The following PTPRK variants were observed in gnomAD, a reference collection of about 807,000 sequenced individuals.
The protein encoded by PTPRK is protein tyrosine phosphatase receptor type K.
In PTPRK, 75 loss-of-function variants were observed where a neutral mutation model predicts 178.0. That is an observed-to-expected ratio of 0.42 (90% confidence interval 0.35 to 0.51). PTPRK has a LOEUF of 0.51. Ranked by LOEUF, PTPRK falls within the 20% of genes least tolerant of loss-of-function variation. The pLI is 0.02. For missense variants in PTPRK, 1,441 were observed against 1,797.8 expected, an observed-to-expected ratio of 0.80 and a Z score of 3.59; for synonymous variants, 637 against 620.6, an observed-to-expected ratio of 1.03 and a Z score of -0.39.
chr6:128,137,697 C>T lies in PTPRK; in HGVS notation c.1162+46735G>A, dbSNP rs552378993. On this transcript the variant is annotated intron_variant, in intron 7 of 29. Transcript: ENST00000368226. The stretch of plus-strand genomic sequence containing the variant: ...ATAGTTATTTACTGAACCCAAACAG[C>T]ATCCAAGATAGTCTTTTAGAAGTAA... 1.9e-4 allele frequency among the ~76,000 whole-genome samples: 29 copies of T among 152,130 alleles called. No individual in the cohort carries two copies. In the South Asian group the frequency reaches 5.8e-3, roughly 30 times the overall value.
chr6:128,006,374 T>G (rs145253010), intron 14 of PTPRK, among the ~76,000 whole-genome samples: 1 of 151,044 alleles, frequency 6.6e-6, no homozygotes, highest in Admixed American at 6.6e-5. Context: ...CAGTTAAGCA[T>G]AATATCATCC....
intron 21 of PTPRK, among the ~76,000 whole-genome samples, chr6:127,988,735 A>T (rs1776254792): frequency 6.6e-6 from 1 of 151,958 alleles, no homozygotes; most frequent in Non-Finnish European, 1.5e-5. Context: ...TTTTCATTGT[A>T]CCTCATTTAG....
At chr6:128,239,323 G>A (rs1249452951) in intron 5 of PTPRK, among the ~76,000 whole-genome samples, 1 of 152,054 alleles carries the variant, frequency 6.6e-6, no homozygotes, top group Non-Finnish European at 1.5e-5. Flanking sequence ...CAGCTTCCTG[G>A]CTTTAGAGCT....
intron 13 of PTPRK, among the ~76,000 whole-genome samples, chr6:128,017,851 C>T (rs1779794784): frequency 1.7e-5 from 2 of 116,312 alleles, no homozygotes; most frequent in Admixed American, 2.1e-4. Flanking sequence ...AATAGTGAGT[C>T]CTGAGATATC....
At position 128,450,468 on chromosome 6, in the gene PTPRK, T is replaced by G. The variant is rs1467615860; in HGVS notation, c.101-52780A>C. Among the ~76,000 whole-genome samples, 3 of 152,234 alleles carry G rather than the reference T, an allele frequency of 2.0e-5. No individual in the cohort carries two copies. The East Asian group carries it at 5.8e-4, about 29-fold the overall frequency. ...CCAAAATAATTTTCACATATAAGTA[T>G]AATTGCTTTATCGTACACTATAACC... is the stretch of plus-strand genomic sequence containing the variant. On this transcript the variant is annotated intron_variant, in intron 1 of 29. Coordinates refer to ENST00000368226, the MANE Select transcript of PTPRK (RefSeq NM_002844.4).
chr6:127,981,878 A>G (rs1367594543), intron 24 of PTPRK, among the ~76,000 whole-genome samples: 1 of 152,118 alleles, frequency 6.6e-6, no homozygotes, highest in African/African-American at 2.4e-5. Flanking sequence ...CCCAGGTTGG[A>G]GTGCAGTGGC....
chr6:128,040,815 C>A (rs1194879746), intron 13 of PTPRK, among the ~76,000 whole-genome samples: 1 of 151,852 alleles, frequency 6.6e-6, no homozygotes, highest in Non-Finnish European at 1.5e-5. Context: ...CTACATAAAC[C>A]AAGCAGAAAT....
intron 10 of PTPRK, among the ~76,000 whole-genome samples, chr6:128,082,024 A>G (rs902107549): frequency 1.9e-4 from 29 of 152,074 alleles, no homozygotes; most frequent in Non-Finnish European, 3.7e-4. Flanking sequence ...GTCAGGGAAA[A>G]TGAAACAGAA....
intron 1 of PTPRK, among the ~76,000 whole-genome samples, chr6:128,470,206 C>G (rs1192287295): frequency 2.0e-5 from 3 of 151,654 alleles, no homozygotes; most frequent in Non-Finnish European, 4.4e-5. Context: ...AACTCATGGT[C>G]TATTTCAGAC....
At chr6:128,443,105 A>G (rs779725804) in intron 1 of PTPRK, among the ~76,000 whole-genome samples, 4 of 152,182 alleles carry the variant, frequency 2.6e-5, no homozygotes, top group Non-Finnish European at 4.4e-5. Context: ...ACCAAAAACA[A>G]TAAGATTAAT....
intron 7 of PTPRK, among the ~76,000 whole-genome samples, chr6:128,103,122 G>A (rs759523808): frequency 9.9e-5 from 15 of 152,072 alleles, no homozygotes; most frequent in African/African-American, 2.9e-4. Flanking sequence ...AGAGTGGAGC[G>A]GCAGAGAAGG....
chr6:128,008,562 T>G (rs1778689033), intron 14 of PTPRK, among the ~76,000 whole-genome samples: 1 of 151,116 alleles, frequency 6.6e-6, no homozygotes, highest in South Asian at 2.1e-4. Flanking sequence ...TCTCAGTATC[T>G]TCAAGTAACG....
intron 3 of PTPRK, among the ~76,000 whole-genome samples, chr6:128,299,778 A>T (rs1437238523): frequency 6.6e-6 from 1 of 152,172 alleles, no homozygotes; most frequent in South Asian, 2.1e-4. Context: ...CCCAGAAGAA[A>T]ACCTAGGCAT....
intron 8 of PTPRK, among the ~76,000 whole-genome samples, chr6:128,086,638 C>T (rs1409197866): frequency 6.6e-6 from 1 of 152,090 alleles, no homozygotes; most frequent in Admixed American, 6.5e-5. Flanking sequence ...CATAATCCAT[C>T]GATCTTTCCA....
chr6:128,328,977 A>T (rs1829923238), intron 2 of PTPRK, among the ~76,000 whole-genome samples: 1 of 152,162 alleles, frequency 6.6e-6, no homozygotes. Flanking sequence ...AACCTCTGGG[A>T]AATTCTTCTA....
At chr6:128,217,561 T>C (rs1435223777) in intron 6 of PTPRK, among the ~76,000 whole-genome samples, 1 of 152,194 alleles carries the variant, frequency 6.6e-6, no homozygotes, top group Non-Finnish European at 1.5e-5. Flanking sequence ...TTCAAATTTC[T>C]TTTCGTTAAA....
intron 1 of PTPRK, among the ~76,000 whole-genome samples, chr6:128,513,493 A>AAAG (rs1554287241): frequency 5.3e-5 from 8 of 150,244 alleles, no homozygotes; most frequent in African/African-American, 9.9e-5. Flanking sequence ...CAAAAAAAAA[A>AAAG]AAAGAAAGAA....
intron 13 of PTPRK, among the ~76,000 whole-genome samples, chr6:128,022,409 T>C (rs1332652553): frequency 6.6e-6 from 1 of 152,174 alleles, no homozygotes; most frequent in East Asian, 1.9e-4. Flanking sequence ...AATCTAATAC[T>C]CAGCAGCCTT....
chr6:127,995,887 T>C (rs1460147143), intron 17 of PTPRK, among the ~76,000 whole-genome samples: 25 of 152,116 alleles, frequency 1.6e-4, no homozygotes, highest in Admixed American at 1.6e-3. Flanking sequence ...TGGATCCTTT[T>C]CTTCTGCACT....
Sources: gnomAD v4.1 joint callset for allele counts (sites outside exome capture counted in the v4.1 genomes callset) on GRCh38, gnomAD v4.1.1 for gene constraint, MANE v1.5 for transcripts, NCBI Gene and HGNC (gene_info 2026-07-23, HGNC 2026-07-21) for gene names.